ACTG2: variants seen among roughly 807,000 people sequenced by gnomAD.
ACTG2 encodes the protein actin gamma 2, smooth muscle, also known as actin, gamma-enteric smooth muscle.
Under a neutral mutation model 37.6 loss-of-function variants are expected in ACTG2, and 16 were observed. The observed-to-expected ratio is 0.43, with a 90% CI of 0.29 to 0.65. The LOEUF (loss-of-function observed/expected upper bound fraction) is 0.65. Ranked by LOEUF, ACTG2 falls within the 30% of genes least tolerant of loss-of-function variation. The pLI, the probability that ACTG2 is intolerant of heterozygous loss-of-function variation, is 0.18. For synonymous variants in ACTG2, 181 were observed against 179.9 expected (o/e 1.01, Z -0.05); for missense variants, 238 against 490.9 (o/e 0.48, Z 4.87).
chr2:73,905,171 G>T (rs1249784520), intron 3 of ACTG2, among the ~76,000 whole-genome samples: 1 of 151,986 alleles, frequency 6.6e-6, no homozygotes, highest in Non-Finnish European at 1.5e-5. Context: ...GAGAATCTTG[G>T]TTTATAGCCC....
rs971202912 is a variant in ACTG2, at chr2:73,908,571, C to G, written c.256-102C>G. On this transcript the variant is annotated intron_variant, in intron 3 of 8. Coordinates refer to ENST00000345517, the MANE Select transcript of ACTG2 (RefSeq NM_001615.4). ...ATTCTCCTCTCCAGATCCATCCCAT[C>G]CTGTGTAACATGGTGCCACACTCTC... The G allele has an allele frequency of 2.8e-4, 277 of 981,414 alleles. 1 individual carries two copies. The highest frequency in any genetic ancestry group is 5.0e-5 in the Non-Finnish European group (33 of 656,824). The allele number at this position is 981,414 out of a possible 1,614,324, so 60.8% of individuals were successfully genotyped here.
At chr2:73,910,697 G>A (rs914924826) in intron 5 of ACTG2, among the ~76,000 whole-genome samples, 71 of 151,274 alleles carry the variant, frequency 4.7e-4, no homozygotes, top group African/African-American at 1.6e-3. Flanking sequence ...GAAAAAAAAG[G>A]AGTACACCCT....
intron 3 of ACTG2, among the ~76,000 whole-genome samples, chr2:73,906,268 G>A (rs1305193214): frequency 6.6e-6 from 1 of 151,528 alleles, no homozygotes; most frequent in East Asian, 1.9e-4. Flanking sequence ...TGGCTAACAC[G>A]GTGAAACCAC....
Position 73,916,781 on chromosome 2 carries a change from G to A in ACTG2, c.987+16G>A, listed in dbSNP as rs140097931. 1.3e-4 allele frequency: 213 copies of A among 1,611,268 alleles called. 1 individual carries two copies. The highest frequency in any genetic ancestry group is 1.8e-4 in the Non-Finnish European group (208 of 1,178,700). ...GAAGATCAAGGTGGGTCTTGCCTCA[G>A]TTGTCTCCATCCTGTTCTTTGTATA... On this transcript the variant is annotated intron_variant, in intron 8 of 8. Transcript: ENST00000345517.
At chr2:73,900,494 A>T (rs1268105901) in intron 1 of ACTG2, among the ~76,000 whole-genome samples, 1 of 152,216 alleles carries the variant, frequency 6.6e-6, no homozygotes, top group Non-Finnish European at 1.5e-5. Flanking sequence ...CCCAGTTCGG[A>T]TCTCAGCATG....
At chr2:73,900,492 G>C (rs769488505) in intron 1 of ACTG2, among the ~76,000 whole-genome samples, 2 of 152,206 alleles carry the variant, frequency 1.3e-5, no homozygotes, top group Non-Finnish European at 2.9e-5. Flanking sequence ...ATCCCAGTTC[G>C]GATCTCAGCA....
Position 73,914,227 on chromosome 2 carries a change from C to G in ACTG2, c.614-453C>G, listed in dbSNP as rs985651174. ...ATTGAATGGAGTGACGCTTGACCCT[C>G]TTCGCGGCAAGTCTATCATCATCCT... On this transcript the variant is annotated intron_variant, in intron 6 of 8. Coordinates refer to ENST00000345517, the MANE Select transcript of ACTG2 (RefSeq NM_001615.4). 2.6e-5 allele frequency among the ~76,000 whole-genome samples: 4 copies of G among 152,166 alleles called. No homozygotes were observed. In the East Asian group the frequency reaches 7.7e-4, roughly 29 times the overall value.
At chr2:73,894,927 G>A (rs1679709964) in intron 1 of ACTG2, among the ~76,000 whole-genome samples, 1 of 152,234 alleles carries the variant, frequency 6.6e-6, no homozygotes, top group South Asian at 2.1e-4. Context: ...GAGGGTATCT[G>A]TTGAAGGGGC....
rs149051673 is a variant in ACTG2, at chr2:73,916,486, G to C, written c.806-98G>C. ...TGGGAGATATTAAGGTTCTGAACTA[G>C]GGTAGTTGCAACAATCGAAGAAGGG... On this transcript the variant is annotated intron_variant, in intron 7 of 8. Coordinates refer to ENST00000345517, the MANE Select transcript of ACTG2 (RefSeq NM_001615.4). The C allele has an allele frequency of 6.2e-5, 66 of 1,061,900 alleles. No homozygotes were observed. The African/African-American group carries it at 9.5e-4, about 15-fold the overall frequency. 65.8% of individuals were successfully genotyped at this position (1,061,900 alleles called of 1,614,324 possible).
At chr2:73,893,299 G>A (rs1478717363) in intron 1 of ACTG2, among the ~76,000 whole-genome samples, 1 of 152,210 alleles carries the variant, frequency 6.6e-6, no homozygotes, top group Non-Finnish European at 1.5e-5. Flanking sequence ...GGGACTGGCG[G>A]GATATAATGC....
chr2:73,897,711 T>C (rs1376742513), intron 1 of ACTG2, among the ~76,000 whole-genome samples: 1 of 152,170 alleles, frequency 6.6e-6, no homozygotes, highest in Non-Finnish European at 1.5e-5. Flanking sequence ...GGAAATGTAT[T>C]TCTCAAAGTT....
chr2:73,913,399 T>G lies in ACTG2; in HGVS notation c.452-86T>G, dbSNP rs1573472532. ...TAACTGGTAAAGGAAAATATGGTAG[T>G]CAGAGCTCATTGGTAACAGTCCTAG... On this transcript the variant is annotated intron_variant, in intron 5 of 8. Coordinates refer to ENST00000345517, the MANE Select transcript of ACTG2 (RefSeq NM_001615.4). 81 of 1,249,250 alleles carry G rather than the reference T, an allele frequency of 6.5e-5. No homozygotes were observed. In the East Asian group the frequency reaches 2.1e-3, roughly 32 times the overall value. 77.4% of individuals were successfully genotyped at this position (1,249,250 alleles called of 1,614,324 possible).
At chr2:73,915,244 G>A (rs1680232754) in intron 7 of ACTG2, among the ~76,000 whole-genome samples, 2 of 152,048 alleles carry the variant, frequency 1.3e-5, no homozygotes, top group South Asian at 4.1e-4. Context: ...GCTTGGCCAG[G>A]CGCGGTGGCT....
intron 1 of ACTG2, among the ~76,000 whole-genome samples, chr2:73,898,387 TCCA>T (rs1679799971): frequency 7.1e-6 from 1 of 140,936 alleles, no homozygotes; most frequent in Non-Finnish European, 1.6e-5. Context: ...TTTCAGTTTC[TCCA>T]TTGTATGGAG....
At chr2:73,915,752 CATT>C (rs1365146769) in intron 7 of ACTG2, among the ~76,000 whole-genome samples, 1 of 152,068 alleles carries the variant, frequency 6.6e-6, no homozygotes, top group Non-Finnish European at 1.5e-5. Context: ...ACCTTGAAAA[CATT>C]ATACTAAGTG....
intron 5 of ACTG2, among the ~76,000 whole-genome samples, chr2:73,912,941 G>A (rs904009935): frequency 2.0e-5 from 3 of 152,194 alleles, no homozygotes; most frequent in African/African-American, 7.2e-5. Flanking sequence ...GCCGAGGCAG[G>A]TGAATTGCCT....
At chr2:73,895,239 G>C (rs1679721401) in intron 1 of ACTG2, among the ~76,000 whole-genome samples, 1 of 152,096 alleles carries the variant, frequency 6.6e-6, no homozygotes, top group Non-Finnish European at 1.5e-5. Context: ...CAGGCCTAGA[G>C]CTCAAGAGAG....
chr2:73,908,921 G>A lies in ACTG2; in HGVS notation c.367-134G>A, dbSNP rs72903347. ...TGTCTGTGGTCCATGCCAGGCCCTGGGGGAGTGGGTGTGGAATAATGAACT... is the reference window on the plus strand; with the variant it reads ...TGTCTGTGGTCCATGCCAGGCCCTGAGGGAGTGGGTGTGGAATAATGAACT... On this transcript the variant is annotated intron_variant, in intron 4 of 8. Coordinates refer to ENST00000345517, the MANE Select transcript of ACTG2 (RefSeq NM_001615.4). 3.7e-4 allele frequency: 440 copies of A among 1,202,566 alleles called. 2 individuals carry two copies. In the African/African-American group the frequency reaches 6.1e-3, roughly 17 times the overall value. The allele number at this position is 1,202,566 out of a possible 1,614,324, so 74.5% of individuals were successfully genotyped here. A position where few individuals can be genotyped will look rare whatever the true frequency, so the allele number is the denominator to read the frequency against.
intron 3 of ACTG2, among the ~76,000 whole-genome samples, chr2:73,905,214 A>G (rs1234049074): frequency 2.0e-5 from 3 of 152,160 alleles, no homozygotes; most frequent in Admixed American, 2.0e-4. Context: ...ACACATGTCA[A>G]TTAAATATAA....
Sources: allele counts gnomAD v4.1 joint callset (sites outside exome capture counted in the v4.1 genomes callset), GRCh38; gene constraint gnomAD v4.1.1; transcripts MANE v1.5; gene names NCBI Gene and HGNC (gene_info 2026-07-23, HGNC 2026-07-21).